Variants in CLNK observed in about 807,000 individuals in gnomAD.
CLNK encodes cytokine-dependent hematopoietic cell linker.
A neutral mutation model predicts 68.6 loss-of-function variants in CLNK; 74 were observed. The ratio of observed to expected loss-of-function variants is 1.08; its 90% CI spans 0.89 to 1.31. The LOEUF (loss-of-function observed/expected upper bound fraction) is 1.31, where lower values mean the gene tolerates loss of function less well. Among genes scored for constraint, CLNK ranks in the 50% most tolerant of loss-of-function variants. The pLI is 0.00. For synonymous variants in CLNK, 198 were observed against 172.2 expected (o/e 1.15, Z -1.17); for missense variants, 553 against 515.3 (o/e 1.07, Z -0.71).
At chr4:10,699,492 CTCTATA>C in the CLNK span, among the ~76,000 whole-genome samples, 84 of 59,544 alleles carry the variant, frequency 1.4e-3, 1 homozygote, top group East Asian at 9.0e-3. Context: ...CTCTCTCTCT[CTCTATA>C]TATATATATA....
chr4:10,673,305 T>G (rs905623304), intron 1 of CLNK, among the ~76,000 whole-genome samples: 2 of 152,176 alleles, frequency 1.3e-5, no homozygotes, highest in African/African-American at 2.4e-5. Context: ...CACAGCTTTC[T>G]ATGGAACAGG....
intron 2 of CLNK, among the ~76,000 whole-genome samples, chr4:10,627,708 T>C (rs1163295900): frequency 1.3e-5 from 2 of 152,128 alleles, no homozygotes; most frequent in African/African-American, 4.8e-5. Flanking sequence ...TTAATCCTTT[T>C]TGGGAGGATT....
At chr4:10,598,841 C>A (rs1721480293) in intron 2 of CLNK, among the ~76,000 whole-genome samples, 1 of 152,208 alleles carries the variant, frequency 6.6e-6, no homozygotes, top group South Asian at 2.1e-4. Flanking sequence ...GACCAACTGC[C>A]TCCTTAGCTC....
the CLNK span, among the ~76,000 whole-genome samples, chr4:10,710,534 G>C: frequency 9.7e-3 from 1,473 of 152,306 alleles, 7 homozygotes; most frequent in East Asian, 0.057. Context: ...TGTGTGGCTA[G>C]TTTAAAAGCA....
the CLNK span, among the ~76,000 whole-genome samples, chr4:10,707,832 C>G: frequency 6.6e-6 from 1 of 152,072 alleles, no homozygotes; most frequent in Admixed American, 6.5e-5. Flanking sequence ...TAAACAAGAC[C>G]CAGTGGCCAC....
chr4:10,678,183 C>A (rs577809932), intron 1 of CLNK, among the ~76,000 whole-genome samples: 4 of 152,212 alleles, frequency 2.6e-5, no homozygotes, highest in Non-Finnish European at 5.9e-5. Context: ...AATCTTTCAA[C>A]CCAGGTATGC....
intron 4 of CLNK, among the ~76,000 whole-genome samples, chr4:10,576,287 G>T (rs1360307994): frequency 1.3e-5 from 2 of 152,050 alleles, no homozygotes; most frequent in East Asian, 1.9e-4. Context: ...GCTTCCTAGG[G>T]CCATTTTCTA....
intron 1 of CLNK, among the ~76,000 whole-genome samples, chr4:10,673,520 G>C (rs1724747172): frequency 6.6e-6 from 1 of 152,134 alleles, no homozygotes; most frequent in Admixed American, 6.5e-5. Flanking sequence ...CCTTTACAGG[G>C]ACATGGATGA....
At chr4:10,585,078 T>A in intron 3 of CLNK, 123 bp from the exon 4 acceptor site, 1 of 852,692 alleles carries the variant, frequency 1.2e-6, no homozygotes. Flanking sequence ...CTGCTTTATG[T>A]ATGTACTATT....
intron 2 of CLNK, among the ~76,000 whole-genome samples, chr4:10,601,718 T>C (rs898735595): frequency 1.5e-4 from 23 of 152,214 alleles, no homozygotes; most frequent in African/African-American, 5.3e-4. Flanking sequence ...CCTAAGTAGA[T>C]GCACATCATT....
At chr4:10,686,378 C>T (rs536444017), upstream of CLNK, among the ~76,000 whole-genome samples, 7 of 152,070 alleles carry the variant, frequency 4.6e-5, no homozygotes, top group East Asian at 5.8e-4. Context: ...GGGACGTATT[C>T]GACCCATAAC....
rs1471341715 is a variant in CLNK at position 10,584,914 on chromosome 4, A to G, written c.112+13T>C. On this transcript the variant is annotated intron_variant, in intron 4 of 18. Coordinates refer to ENST00000226951, the MANE Select transcript of CLNK (RefSeq NM_052964.4). ...CATTCCCACCACTTAGGTGACAGAG[A>G]GCCCCGACTCACCTGTGGCACTATT... 1 of 1,613,366 alleles carries G rather than the reference A, an allele frequency of 6.2e-7. No homozygotes were observed. Among genetic ancestry groups the G allele is most frequent in the Non-Finnish European group, 8.5e-7 (1 of 1,179,570 alleles).
At chr4:10,689,731 AT>A (rs1196121995), upstream of CLNK, among the ~76,000 whole-genome samples, 1 of 90,782 alleles carries the variant, frequency 1.1e-5, no homozygotes, top group Admixed American at 1.3e-4. Context: ...CCTGCAATGG[AT>A]CAAAACCCAT....
chr4:10,576,453 T>G (rs1720568295), intron 4 of CLNK, among the ~76,000 whole-genome samples: 1 of 152,222 alleles, frequency 6.6e-6, no homozygotes, highest in Non-Finnish European at 1.5e-5. Flanking sequence ...GGAAACATCT[T>G]TTTGCAAGAA....
chr4:10,589,387 G>A (rs957767629), intron 3 of CLNK, among the ~76,000 whole-genome samples: 2 of 152,164 alleles, frequency 1.3e-5, no homozygotes, highest in Non-Finnish European at 2.9e-5. Flanking sequence ...TGTCAAATTT[G>A]TCTGAAAGTG....
intron 13 of CLNK, 87 bp from the exon 14 acceptor site, chr4:10,526,009 T>A: frequency 2.7e-6 from 2 of 731,152 alleles, no homozygotes; most frequent in East Asian, 5.5e-5. Flanking sequence ...TACTATAATT[T>A]CCTCCAAGTA....
At chr4:10,677,176 G>T (rs1486144479) in intron 1 of CLNK, among the ~76,000 whole-genome samples, 1 of 152,082 alleles carries the variant, frequency 6.6e-6, no homozygotes, top group Non-Finnish European at 1.5e-5. Context: ...TTTAGGGATT[G>T]CTATATATTT....
intron 11 of CLNK, among the ~76,000 whole-genome samples, chr4:10,534,793 C>G (rs10030521): frequency 0.96 from 145,503 of 152,262 alleles, 69,679 homozygotes; most frequent in Non-Finnish European, 0.99. Context: ...ATAATACAGA[C>G]AGTTCCTATG....
chr4:10,701,960 A>AG, the CLNK span, among the ~76,000 whole-genome samples: 1 of 152,222 alleles, frequency 6.6e-6, no homozygotes, highest in Non-Finnish European at 1.5e-5. Context: ...TCAGAGGCAA[A>AG]GGCACTGAGA....
Sources: gnomAD v4.1 joint callset for allele counts (sites outside exome capture counted in the v4.1 genomes callset) on GRCh38, gnomAD v4.1.1 for gene constraint, MANE v1.5 for transcripts, NCBI Gene and HGNC (gene_info 2026-07-23, HGNC 2026-07-21) for gene names.